Variants in EXOC4 observed in about 807,000 individuals in gnomAD.
EXOC4 encodes the protein SEC8-like 1.
A neutral mutation model predicts 107.2 loss-of-function variants in EXOC4; 71 were observed. The ratio of observed to expected loss-of-function variants is 0.66; its 90% CI spans 0.55 to 0.81. EXOC4 has a LOEUF of 0.81. Ranked by LOEUF, EXOC4 falls within the 30% of genes least tolerant of loss-of-function variation. The pLI is 0.00. For missense variants in EXOC4, 1,108 were observed against 1,189.6 expected (o/e 0.93, Z 1.01); for synonymous variants, 456 against 441.2 (o/e 1.03, Z -0.42).
intron 17 of EXOC4, among the ~76,000 whole-genome samples, chr7:134,063,773 C>A (rs756983539): frequency 1.3e-5 from 2 of 152,130 alleles, no homozygotes; most frequent in Non-Finnish European, 2.9e-5. Flanking sequence ...TTATGAAGCA[C>A]CACCATTCTG....
At chr7:133,870,939 T>C (rs1017667932) in intron 11 of EXOC4, among the ~76,000 whole-genome samples, 2 of 152,230 alleles carry the variant, frequency 1.3e-5, no homozygotes, top group African/African-American at 4.8e-5. Context: ...TCCATCCACT[T>C]ACTTGAGAAT....
intron 5 of EXOC4, among the ~76,000 whole-genome samples, chr7:133,355,496 G>A (rs1796001586): frequency 6.6e-6 from 1 of 152,118 alleles, no homozygotes; most frequent in South Asian, 2.1e-4. Context: ...AGCAAGGCCT[G>A]TGGCTTTCAG....
At chr7:133,708,448 A>C (rs1287757154) in intron 10 of EXOC4, among the ~76,000 whole-genome samples, 1 of 152,248 alleles carries the variant, frequency 6.6e-6, no homozygotes, top group Non-Finnish European at 1.5e-5. Flanking sequence ...AATGGATTGG[A>C]AGAAGACAAT....
At chr7:133,497,549 G>C (rs1397787432) in intron 9 of EXOC4, among the ~76,000 whole-genome samples, 6 of 151,652 alleles carry the variant, frequency 4.0e-5, no homozygotes, top group Non-Finnish European at 5.9e-5. Flanking sequence ...TTCTGCCTCA[G>C]CCTCCTGAGT....
intron 10 of EXOC4, among the ~76,000 whole-genome samples, chr7:133,668,541 A>G (rs752898686): frequency 2.1e-4 from 32 of 152,224 alleles, no homozygotes; most frequent in African/African-American, 7.2e-4. Flanking sequence ...AGGTTTATCC[A>G]TAATGTATTT....
intron 9 of EXOC4, among the ~76,000 whole-genome samples, chr7:133,547,643 G>GT (rs1379376018): frequency 6.6e-6 from 1 of 152,190 alleles, no homozygotes; most frequent in East Asian, 1.9e-4. Flanking sequence ...CATTTCAACA[G>GT]TGTCCACAGC....
intron 17 of EXOC4, among the ~76,000 whole-genome samples, chr7:134,011,151 T>C (rs1203960007): frequency 6.6e-6 from 1 of 152,200 alleles, no homozygotes; most frequent in Non-Finnish European, 1.5e-5. Flanking sequence ...ATGAGTGTGC[T>C]TTTTTAGTTC....
At chr7:133,701,235 C>G (rs117827725) in intron 10 of EXOC4, among the ~76,000 whole-genome samples, 1 of 152,144 alleles carries the variant, frequency 6.6e-6, no homozygotes, top group South Asian at 2.1e-4. Context: ...TTACATGCCC[C>G]CAAAAGATCT....
At chr7:133,629,530 T>G (rs79971634) in intron 9 of EXOC4, among the ~76,000 whole-genome samples, 1 of 149,740 alleles carries the variant, frequency 6.7e-6, no homozygotes, top group African/African-American at 2.5e-5. Flanking sequence ...TTTTGTTTTG[T>G]TTTGTTTGTT....
At chr7:133,579,853 A>AT (rs1229525033) in intron 9 of EXOC4, among the ~76,000 whole-genome samples, 2 of 151,720 alleles carry the variant, frequency 1.3e-5, no homozygotes, top group African/African-American at 4.8e-5. Context: ...CGCCCAGCTA[A>AT]TTTTTTGTAT....
chr7:133,287,724 G>A (rs1318615891), intron 2 of EXOC4, among the ~76,000 whole-genome samples: 1 of 152,184 alleles, frequency 6.6e-6, no homozygotes, highest in Non-Finnish European at 1.5e-5. Flanking sequence ...CGTAGGAAGG[G>A]ATTAGATGCT....
chr7:133,608,070 C>G (rs1355542243), intron 9 of EXOC4, among the ~76,000 whole-genome samples: 1 of 152,112 alleles, frequency 6.6e-6, no homozygotes, highest in Admixed American at 6.5e-5. Flanking sequence ...TATACTTCAA[C>G]TCAAAGTTGT....
At chr7:133,773,885 T>A (rs1796294912) in intron 10 of EXOC4, among the ~76,000 whole-genome samples, 1 of 152,062 alleles carries the variant, frequency 6.6e-6, no homozygotes, top group African/African-American at 2.4e-5. Flanking sequence ...TTGTTTCGTT[T>A]TATTTTATGG....
chr7:134,043,033 T>G (rs1386910577), intron 17 of EXOC4, among the ~76,000 whole-genome samples: 1 of 152,124 alleles, frequency 6.6e-6, no homozygotes, highest in Non-Finnish European at 1.5e-5. Context: ...AGATTAAGAC[T>G]CCGTCTCAAT....
At chr7:133,322,025 A>T (rs1454399698) in intron 5 of EXOC4, among the ~76,000 whole-genome samples, 1 of 152,164 alleles carries the variant, frequency 6.6e-6, no homozygotes, top group Non-Finnish European at 1.5e-5. Flanking sequence ...TTCTTTTGAG[A>T]AGTGTCTGTT....
chr7:133,885,493 T>TA (rs1198778209), intron 11 of EXOC4, among the ~76,000 whole-genome samples: 1 of 152,182 alleles, frequency 6.6e-6, no homozygotes, highest in African/African-American at 2.4e-5. Context: ...ATATGCCAGA[T>TA]ACCTTGCAAG....
At chr7:133,274,114 C>T (rs555556826) in intron 1 of EXOC4, among the ~76,000 whole-genome samples, 1 of 152,040 alleles carries the variant, frequency 6.6e-6, no homozygotes, top group Non-Finnish European at 1.5e-5. Flanking sequence ...TATCTCATTC[C>T]CTGGTTATTG....
the EXOC4 span, among the ~76,000 whole-genome samples, chr7:134,076,636 C>T: frequency 0.22 from 32,817 of 151,204 alleles, 5,465 homozygotes; most frequent in African/African-American, 0.47. Context: ...CATATATGTA[C>T]ATATCCAACA....
chr7:134,067,225 G>A (rs7810574), downstream of EXOC4, among the ~76,000 whole-genome samples: 117,315 of 150,712 alleles, frequency 0.78, 46,587 homozygotes, highest in African/African-American at 0.93. Flanking sequence ...AAAGCAAACC[G>A]TTTTCTCATT....
Sources: gnomAD v4.1 joint callset for allele counts (sites outside exome capture counted in the v4.1 genomes callset) on GRCh38, gnomAD v4.1.1 for gene constraint, MANE v1.5 for transcripts, NCBI Gene and HGNC (gene_info 2026-07-23, HGNC 2026-07-21) for gene names.